Variants in EPSTI1 observed in about 807,000 individuals in gnomAD.
EPSTI1 encodes the protein epithelial-stromal interaction protein 1.
Under a neutral mutation model 49.9 loss-of-function variants are expected in EPSTI1, and 66 were observed. The ratio of observed to expected loss-of-function variants is 1.32; its 90% CI spans 1.08 to 1.62. The LOEUF is 1.62. Ranked by LOEUF, EPSTI1 falls within the 40% of genes most tolerant of loss-of-function variation. EPSTI1 has a pLI of 0.00. For synonymous variants in EPSTI1, 137 were observed against 130.7 expected, an observed-to-expected ratio of 1.05 and a Z score of -0.33; for missense variants, 394 against 365.5, an observed-to-expected ratio of 1.08 and a Z score of -0.64.
At chr13:42,965,049 T>C (rs1410483613) in intron 3 of EPSTI1, among the ~76,000 whole-genome samples, 1 of 152,220 alleles carries the variant, frequency 6.6e-6, no homozygotes, top group East Asian at 1.9e-4. Flanking sequence ...ATCTGAAAGA[T>C]ATATAAGGCC....
chr13:42,924,553 C>T (rs1544295), intron 7 of EPSTI1, among the ~76,000 whole-genome samples: 25,310 of 152,152 alleles, frequency 0.17, 2,139 homozygotes, highest in Non-Finnish European at 0.18. Flanking sequence ...GAAACTCCAG[C>T]TGGTAAAGCT....
chr13:42,887,422 G>A lies in EPSTI1; in HGVS notation c.*1072C>T, dbSNP rs1314436194. Reference sequence around the variant, plus strand: ...GATTCGGAAAGTTCATTTCAACAGAGTGACTGGTAACACAGAAGATCTCTT... The same window carrying A: ...GATTCGGAAAGTTCATTTCAACAGAATGACTGGTAACACAGAAGATCTCTT... On this transcript the variant is annotated 3_prime_UTR_variant, in exon 11 of 11. Coordinates refer to ENST00000313624, the MANE Select transcript of EPSTI1 (RefSeq NM_033255.5). 1 of 152,200 alleles carries A rather than the reference G, an allele frequency of 6.6e-6. No individual in the cohort carries two copies. Among genetic ancestry groups the A allele is most frequent in the Non-Finnish European group, 1.5e-5 (1 of 68,042 alleles). The allele number at this position is 152,200 out of a possible 1,614,324, so 9.4% of individuals were successfully genotyped here.
At position 42,966,725 on chromosome 13, in the gene EPSTI1, C is replaced by T. The variant is rs1476239228; in HGVS notation, c.331+2369G>A. ...CAGCCCCCCGCCCGGCCAGCCGCCC[C>T]GTCCGGGAGGTGAGGGGCGCCTCCG... On this transcript the variant is annotated intron_variant, in intron 3 of 10. Coordinates refer to ENST00000313624, the MANE Select transcript of EPSTI1 (RefSeq NM_033255.5). 1.3e-4 allele frequency among the ~76,000 whole-genome samples: 12 copies of T among 89,336 alleles called. 4 individuals carry two copies. Among genetic ancestry groups the T allele is most frequent in the Admixed American group, 6.5e-4 (5 of 7,652 alleles). 58.6% of individuals were successfully genotyped at this position (89,336 alleles called of 152,430 possible). A position where few individuals can be genotyped will look rare whatever the true frequency, so the allele number is the denominator to read the frequency against.
At chr13:42,921,527 T>C (rs1419349532) in intron 7 of EPSTI1, among the ~76,000 whole-genome samples, 2 of 151,562 alleles carry the variant, frequency 1.3e-5, no homozygotes, top group Non-Finnish European at 2.9e-5. Context: ...AGCAAGAAAA[T>C]AGAAGAAATG....
intron 6 of EPSTI1, among the ~76,000 whole-genome samples, chr13:42,947,689 G>A (rs2038959113): frequency 1.3e-5 from 2 of 152,162 alleles, no homozygotes; most frequent in Admixed American, 1.3e-4. Context: ...CCTTGGGGAG[G>A]TCAGTTGAGA....
rs776467553 is a variant in EPSTI1, at chr13:42,961,970, G to A, written c.489+1285C>T. ...AGCACAGCCATTATCACTTCCCTCG[G>A]CCATTTCCACACTGGCAATGTGAAA... On this transcript the variant is annotated intron_variant, in intron 5 of 10. Coordinates refer to ENST00000313624, the MANE Select transcript of EPSTI1 (RefSeq NM_033255.5). 4.6e-5 allele frequency among the ~76,000 whole-genome samples: 7 copies of A among 152,190 alleles called. No homozygotes were observed. The South Asian group carries it at 6.2e-4, about 14-fold the overall frequency.
At chr13:42,912,007 A>G (rs1426035842) in intron 8 of EPSTI1, among the ~76,000 whole-genome samples, 1 of 152,158 alleles carries the variant, frequency 6.6e-6, no homozygotes, top group African/African-American at 2.4e-5. Flanking sequence ...TTTCTCTGTC[A>G]CCCAATAGTT....
In EPSTI1 at chr13:42,895,123, A is replaced by G. The variant is rs2037154454; in HGVS notation, c.816-15T>C. The G allele has an allele frequency of 6.3e-7, 1 of 1,598,592 alleles. No individual in the cohort carries two copies. The highest frequency in any genetic ancestry group is 8.6e-7 in the Non-Finnish European group (1 of 1,169,190). Reference sequence around the variant, plus strand: ...CATTATTTACCCTTTAAAACAATGAAAAATGTGTGTGAGTAGAAAACTTGC... The same window carrying G: ...CATTATTTACCCTTTAAAACAATGAGAAATGTGTGTGAGTAGAAAACTTGC... On this transcript the variant is annotated splice_polypyrimidine_tract_variant and intron_variant, in intron 9 of 10. Coordinates refer to ENST00000313624, the MANE Select transcript of EPSTI1 (RefSeq NM_033255.5).
chr13:42,989,510 T>A (rs544471049), intron 1 of EPSTI1, among the ~76,000 whole-genome samples: 1 of 150,134 alleles, frequency 6.7e-6, no homozygotes, highest in South Asian at 2.1e-4. Flanking sequence ...ATAAATAAAT[T>A]CACATTATGA....
At chr13:42,949,163 C>T (rs1594708500) in intron 6 of EPSTI1, among the ~76,000 whole-genome samples, 1 of 152,172 alleles carries the variant, frequency 6.6e-6, no homozygotes, top group Non-Finnish European at 1.5e-5. Context: ...ATTTCTTTGG[C>T]ATATTTTGAA....
At chr13:42,921,403 T>C (rs1179510562) in intron 7 of EPSTI1, among the ~76,000 whole-genome samples, 1 of 152,112 alleles carries the variant, frequency 6.6e-6, no homozygotes, top group Non-Finnish European at 1.5e-5. Context: ...AAGCAAAGTA[T>C]GAGAGCTGAA....
chr13:42,962,531 AG>A (rs2039481653), intron 5 of EPSTI1, among the ~76,000 whole-genome samples: 1 of 151,730 alleles, frequency 6.6e-6, no homozygotes, highest in African/African-American at 2.4e-5. Flanking sequence ...GCACTTTGGG[AG>A]GCCAAGGCAG....
At chr13:42,896,843 T>C (rs992112934) in intron 9 of EPSTI1, among the ~76,000 whole-genome samples, 4 of 152,162 alleles carry the variant, frequency 2.6e-5, no homozygotes, top group Admixed American at 1.3e-4. Context: ...TGGTGGCTCA[T>C]GCCTGTAATC....
At chr13:42,982,440 ATTCCTTTACTTTC>A (rs2040002299) in intron 1 of EPSTI1, among the ~76,000 whole-genome samples, 1 of 152,234 alleles carries the variant, frequency 6.6e-6, no homozygotes, top group Non-Finnish European at 1.5e-5. Context: ...GTCACTCTTT[ATTCCTTTACTTTC>A]TTAATAAACT....
At chr13:42,896,041 G>T (rs537879687) in intron 9 of EPSTI1, among the ~76,000 whole-genome samples, 141 of 152,264 alleles carry the variant, frequency 9.3e-4, no homozygotes, top group African/African-American at 3.2e-3. Context: ...AGGGAACTTT[G>T]AGGCAAATAA....
intron 6 of EPSTI1, among the ~76,000 whole-genome samples, chr13:42,949,231 C>A (rs906181594): frequency 1.4e-4 from 22 of 152,196 alleles, no homozygotes; most frequent in African/African-American, 5.1e-4. Context: ...GACACTCTTA[C>A]CCCTTCCAGG....
intron 8 of EPSTI1, among the ~76,000 whole-genome samples, chr13:42,905,491 T>G (rs1330258731): frequency 6.6e-6 from 1 of 152,196 alleles, no homozygotes; most frequent in African/African-American, 2.4e-5. Context: ...TCTTGGTTCA[T>G]TTACTGAGAT....
chr13:42,923,070 T>G (rs75542953), intron 7 of EPSTI1, among the ~76,000 whole-genome samples: 1 of 152,124 alleles, frequency 6.6e-6, no homozygotes, highest in African/African-American at 2.4e-5. Context: ...CCCAGAGGAC[T>G]AGAAAGGGGC....
chr13:42,954,456 G>A (rs191097530), intron 5 of EPSTI1, among the ~76,000 whole-genome samples: 1 of 152,220 alleles, frequency 6.6e-6, no homozygotes, highest in Admixed American at 6.5e-5. Context: ...TTTGAGAAGA[G>A]ATTTTCAGTA....
Sources: gnomAD v4.1 joint callset for allele counts (sites outside exome capture counted in the v4.1 genomes callset) on GRCh38, gnomAD v4.1.1 for gene constraint, MANE v1.5 for transcripts, NCBI Gene and HGNC (gene_info 2026-07-23, HGNC 2026-07-21) for gene names.